CUL7: variants seen among roughly 807,000 people sequenced by gnomAD.
CUL7 encodes cullin-7.
In CUL7, 96 loss-of-function variants were observed where a neutral mutation model predicts 177.7. That is an observed-to-expected ratio of 0.54 (90% CI 0.46 to 0.64). The LOEUF (loss-of-function observed/expected upper bound fraction) is 0.64, where lower values mean the gene tolerates loss of function less well. CUL7 is among the 30% of genes least tolerant of loss of function. CUL7 has a pLI of 0.00. For missense variants in CUL7, 1,893 were observed against 2,187.9 expected (o/e 0.87, Z 2.69); for synonymous variants, 824 against 890.2 (o/e 0.93, Z 1.32).
rs1763566066 is a variant in CUL7, at chr6:43,042,841, C to T, written c.3606G>A (p.Ala1202=). 2.4e-5 allele frequency: 38 copies of T among 1,613,536 alleles called. No individual in the cohort carries two copies. Among genetic ancestry groups the T allele is most frequent in the East Asian group, 1.3e-4 (6 of 44,874 alleles). Residue 1202 remains alanine, a synonymous_variant, in exon 19 of 26, where the codon GCG becomes GCA. Transcript: ENST00000265348. ...AFLLALQNGC[A]GALLKLPFLK... ...GAAAAGGGAGCTTCAGCAAGGCTCC[C>T]GCACAGCCATTTTGCAGCGCCAGCA...
rs1296255474 is a variant in CUL7, at chr6:43,047,104, G to A, written c.2173C>T (p.Leu725Phe). The A allele has an allele frequency of 6.3e-7, 1 of 1,591,012 alleles. No homozygotes were observed. The highest frequency in any genetic ancestry group is 1.1e-5 in the South Asian group (1 of 90,636). The change falls in exon 10 of 26, where the codon CTC becomes TTC. Residue 725 changes from leucine (L) to phenylalanine (F), a missense_variant. Around this residue, in one of 5 missense-constraint regions of CUL7, gnomAD observed 973 missense variants for 1,140.9 expected, o/e 0.85. Coordinates refer to ENST00000265348, the MANE Select transcript of CUL7 (RefSeq NM_014780.5). Reference sequence around the variant, plus strand: ...TGCAGGAAGAAAATCAGTTCCTGGAGCACCTGGGTGGGGACATAAGGGAGG... The same window carrying A: ...TGCAGGAAGAAAATCAGTTCCTGGAACACCTGGGTGGGGACATAAGGGAGG... ...LRSPNTDREV[L>F]QELIFFLHRL... is the part of the protein sequence containing the mutation.
At chr6:43,042,676 A>T (rs1184593315) in intron 19 of CUL7, 126 bp downstream of exon 19, 2 of 694,700 alleles carry the variant, frequency 2.9e-6, no homozygotes, top group African/African-American at 3.6e-5. Flanking sequence ...AACTTCTTAT[A>T]ACATGGCTAT....
chr6:43,046,066 C>T lies in CUL7; in HGVS notation c.2686G>A (p.Glu896Lys). Residue 896 changes from glutamate to lysine, a missense_variant, in exon 13 of 26, where the codon GAG (glutamate) becomes AAG (lysine). Physicochemically the swap from Glu to Lys is moderately conservative, Grantham distance 56. Coordinates refer to ENST00000265348, the MANE Select transcript of CUL7 (RefSeq NM_014780.5). ...IRQLTLLVAS[E>K]DSSYMPARVV... ...CGGGCCGGCATGTAACTCGAGTCCT[C>T]ACTAGCCACAAGCAGAGTCAGTTGC... The T allele has an allele frequency of 6.2e-7, 1 of 1,614,104 alleles. No individual in the cohort carries two copies. The highest frequency in any genetic ancestry group is 8.5e-7 in the Non-Finnish European group (1 of 1,180,010).
At position 43,043,769 on chromosome 6, in the gene CUL7, C is replaced by G. The variant is rs552321415; in HGVS notation, c.3173-139G>C. The G allele has an allele frequency of 2.8e-6, 2 of 705,608 alleles. No homozygotes were observed. Among genetic ancestry groups the G allele is most frequent in the Non-Finnish European group, 5.2e-6 (2 of 384,534 alleles). The allele number at this position is 705,608 out of a possible 1,614,324, so 43.7% of individuals were successfully genotyped here. ...GGGGGCCAGGTAGGGTGGTTTACGC[C>G]TGTAATCCCAGCACTTTGGGAGGCT... On this transcript the variant is annotated intron_variant, in intron 16 of 25. Coordinates refer to ENST00000265348, the MANE Select transcript of CUL7 (RefSeq NM_014780.5). The surrounding 1 kb of genome is among the most constrained non-coding windows in gnomAD (Gnocchi z 4.2).
Position 43,043,788 on chromosome 6 carries a change from G to A in CUL7, c.3173-158C>T, listed in dbSNP as rs1763653635. Among the ~76,000 whole-genome samples the A allele has an allele frequency of 6.6e-6, 1 of 152,166 alleles. No individual in the cohort carries two copies. The highest frequency in any genetic ancestry group is 1.5e-5 in the Non-Finnish European group (1 of 68,022). On this transcript the variant is annotated intron_variant, in intron 16 of 25. Coordinates refer to ENST00000265348, the MANE Select transcript of CUL7 (RefSeq NM_014780.5). The surrounding 1 kb of genome is among the most constrained non-coding windows in gnomAD (Gnocchi z 4.2). ...TTACGCCTGTAATCCCAGCACTTTG[G>A]GAGGCTGAGATGAGAGGATCGCTTG...
chr6:43,045,801 A>G lies in CUL7; in HGVS notation c.2767-119T>C. ...GCCCTGGGATGTGTAGGGTCCTGAC[A>G]AAGCTGTCCTCATGCCACCCTCATT... On this transcript the variant is annotated intron_variant, in intron 13 of 25. Coordinates refer to ENST00000265348, the MANE Select transcript of CUL7 (RefSeq NM_014780.5). The surrounding 1 kb of genome is among the most constrained non-coding windows in gnomAD (Gnocchi z 4.8). 8.1e-7 allele frequency: 1 copy of G among 1,238,620 alleles called. No individual in the cohort carries two copies. Among genetic ancestry groups the G allele is most frequent in the Non-Finnish European group, 1.2e-6 (1 of 855,160 alleles). 76.7% of individuals were successfully genotyped at this position (1,238,620 alleles called of 1,614,324 possible).
In CUL7 at chr6:43,040,635, C is replaced by G. The variant is rs1015605082; in HGVS notation, c.3918G>C (p.Gln1306His). ...GCAGCTCCTTAGAGGTGCTCAGGCT[C>G]TGCAACATCTGCTGGGGGAGGCGGT... ...FPNRLPQQMLQSLSTSKELQR... is the reference protein window; with the variant it reads ...FPNRLPQQMLHSLSTSKELQR... The change falls in exon 21 of 26, where the codon CAG becomes CAC. Residue 1306 changes from glutamine to histidine, a missense_variant. Transcript: ENST00000265348. This position sits in a 1 kb window ranked among gnomAD's most constrained non-coding sequence, Gnocchi z 4.2. 1 of 1,614,264 alleles carries G rather than the reference C, an allele frequency of 6.2e-7. No individual in the cohort carries two copies. Among genetic ancestry groups the G allele is most frequent in the Non-Finnish European group, 8.5e-7 (1 of 1,180,048 alleles).
chr6:43,047,713 A>G (rs1228415184), intron 9 of CUL7, among the ~76,000 whole-genome samples: 1 of 152,192 alleles, frequency 6.6e-6, no homozygotes, highest in Non-Finnish European at 1.5e-5. Context: ...TTTCTCCCAC[A>G]GGCCCAGCCA....
At position 43,048,352 on chromosome 6, in the gene CUL7, G is replaced by A. The variant is rs754130708; in HGVS notation, c.2043C>T (p.Thr681=). The A allele has an allele frequency of 6.2e-7, 1 of 1,611,508 alleles. No individual in the cohort carries two copies. Among genetic ancestry groups the A allele is most frequent in the South Asian group, 1.1e-5 (1 of 91,042 alleles). ...QSLDTPETNR[T]LHLTVLRILK... ...CTCACCTCAGCACAGTCAGGTGCAG[G>A]GTCCTGTTAGTCTCCGGAGTGTCCA... is the stretch of plus-strand genomic sequence containing the variant. Residue 681 remains threonine, a synonymous_variant, in exon 8 of 26, where the codon ACC becomes ACT. Transcript: ENST00000265348.
In CUL7 at chr6:43,048,492, G is replaced by A. The variant is rs1561889722; in HGVS notation, c.1903C>T (p.Leu635Phe). The A allele has an allele frequency of 1.9e-6, 3 of 1,614,146 alleles. No homozygotes were observed. The African/African-American group carries it at 4.0e-5, about 22-fold the overall frequency. Residue 635 changes from leucine to phenylalanine, a missense_variant, in exon 8 of 26, where the codon CTC becomes TTC. Physicochemically the swap from Leu to Phe is conservative, Grantham distance 22. This residue lies in a region of CUL7 where 973 missense variants were observed against 1,140.9 expected (regional missense o/e 0.85). Transcript: ENST00000265348. ...CTGAGGGCTTGCTCTAGATCCAGGA[G>A]GATTTTCCCAGCTGGACCATAACCC... ...VEGYGPAGKILLDLEQALSSE... is the reference protein window; with the variant it reads ...VEGYGPAGKIFLDLEQALSSE...
chr6:43,046,236 C>T lies in CUL7; in HGVS notation c.2660G>A (p.Arg887Lys). 6.2e-7 allele frequency: 1 copy of T among 1,614,216 alleles called. No homozygotes were observed. Among genetic ancestry groups the T allele is most frequent in the Non-Finnish European group, 8.5e-7 (1 of 1,180,030 alleles). ...CAAAGCACATGTGTGGGAGAGTTAC[C>T]TGATGAGGATGCCCCGGCGCATGTG... ...TLHMRRGILI[R>K]QLTLLVASED... is the part of the protein sequence containing the mutation. The change falls in exon 12 of 26, where the codon AGG becomes AAG. Residue 887 changes from arginine to lysine, a missense_variant and splice_region_variant. Around this residue, in one of 5 missense-constraint regions of CUL7, gnomAD observed 973 missense variants for 1,140.9 expected, o/e 0.85. Transcript: ENST00000265348.
At position 43,048,165 on chromosome 6, in the gene CUL7, G is replaced by A. The variant is rs1295725737; in HGVS notation, c.2152C>T (p.Pro718Ser). 2 of 1,612,562 alleles carry A rather than the reference G, an allele frequency of 1.2e-6. No homozygotes were observed. The highest frequency in any genetic ancestry group is 1.3e-5 in the African/African-American group (1 of 74,892). ...VDACMACLRS[P>S]NTDREVLQEL... ...AGGGGTACCTCTCGATCAGTGTTTG[G>A]GGACCGCAGGCAGGCCATGCAGGCA... The change falls in exon 9 of 26, where the codon CCA becomes TCA. Residue 718 changes from proline (P) to serine (S), a missense_variant. Around this residue, in one of 5 missense-constraint regions of CUL7, gnomAD observed 973 missense variants for 1,140.9 expected, o/e 0.85. Coordinates refer to ENST00000265348, the MANE Select transcript of CUL7 (RefSeq NM_014780.5).
rs138741127 is a variant in CUL7, at chr6:43,045,785, T to C, written c.2767-103A>G. Reference sequence around the variant, plus strand: ...TTCCCTCCCTTCCCCAGCCCTGGGATGTGTAGGGTCCTGACAAAGCTGTCC... The same window carrying C: ...TTCCCTCCCTTCCCCAGCCCTGGGACGTGTAGGGTCCTGACAAAGCTGTCC... On this transcript the variant is annotated intron_variant, in intron 13 of 25. Coordinates refer to ENST00000265348, the MANE Select transcript of CUL7 (RefSeq NM_014780.5). The surrounding 1 kb of genome is among the most constrained non-coding windows in gnomAD (Gnocchi z 4.8). 326 of 1,352,252 alleles carry C rather than the reference T, an allele frequency of 2.4e-4. 1 individual carries two copies. In the East Asian group the frequency reaches 7.5e-3, roughly 31 times the overall value. The allele number at this position is 1,352,252 out of a possible 1,614,324, so 83.8% of individuals were successfully genotyped here.
In CUL7 at chr6:43,046,946, G is replaced by C; in HGVS notation, c.2331C>G (p.Phe777Leu). Residue 777 changes from phenylalanine to leucine, a missense_variant, in exon 10 of 26, where the codon TTC becomes TTG. This residue lies in a region of CUL7 where 973 missense variants were observed against 1,140.9 expected (regional missense o/e 0.85). Transcript: ENST00000265348. ...AGAGGTGGGCATGCTTCTCACACTT[G>C]AACACCATGTCCCGCAGCTCCTGAG... ...ELAQELRDMVFKCEKHAHLYR... is the reference protein window; with the variant it reads ...ELAQELRDMVLKCEKHAHLYR... 6.2e-7 allele frequency: 1 copy of C among 1,613,614 alleles called. No homozygotes were observed. The highest frequency in any genetic ancestry group is 8.5e-7 in the Non-Finnish European group (1 of 1,179,572).
intron 9 of CUL7, 166 bp downstream of exon 9, chr6:43,047,982 T>C (rs1764058285): frequency 1.5e-5 from 9 of 608,804 alleles, no homozygotes; most frequent in Admixed American, 1.4e-4. Flanking sequence ...ACCATGTGAA[T>C]GTATTACCTA....
chr6:43,043,699 C>A lies in CUL7; in HGVS notation c.3173-69G>T. On this transcript the variant is annotated intron_variant, in intron 16 of 25. Transcript: ENST00000265348. The surrounding 1 kb of genome is among the most constrained non-coding windows in gnomAD (Gnocchi z 4.2). ...GGGAAGTGGGAGTGGTTGGGCTGAA[C>A]AGGAGTGTGGAGATAGAGCAACTGG... is the stretch of plus-strand genomic sequence containing the variant. 1 of 1,064,338 alleles carries A rather than the reference C, an allele frequency of 9.4e-7. No homozygotes were observed. The highest frequency in any genetic ancestry group is 1.3e-5 in the South Asian group (1 of 74,608). 65.9% of individuals were successfully genotyped at this position (1,064,338 alleles called of 1,614,324 possible).
At position 43,038,414 on chromosome 6, in the gene CUL7, C is replaced by A; in HGVS notation, c.4626G>T (p.Arg1542=). Residue 1542 remains arginine (R), a synonymous_variant, in exon 25 of 26, where the codon CGG becomes CGT. Transcript: ENST00000265348. Reference sequence around the variant, plus strand: ...GCAGGTACGTCTGAGGTGGGATGAGCCGCACAATGTCCCATCTCGACCTGG... The same window carrying A: ...GCAGGTACGTCTGAGGTGGGATGAGACGCACAATGTCCCATCTCGACCTGG... The part of the protein sequence containing the change: ...KEPRSRWDIV[R]LIPPQTYLQA... 1 of 1,614,178 alleles carries A rather than the reference C, an allele frequency of 6.2e-7. No individual in the cohort carries two copies. Among genetic ancestry groups the A allele is most frequent in the Non-Finnish European group, 8.5e-7 (1 of 1,180,012 alleles).
In CUL7 at chr6:43,043,808, C is replaced by T. The variant is rs1297347385; in HGVS notation, c.3173-178G>A. ...CTTTGGGAGGCTGAGATGAGAGGATCGCTTGAGGCAGGAGTTCAAGACTGG... is the reference window on the plus strand; with the variant it reads ...CTTTGGGAGGCTGAGATGAGAGGATTGCTTGAGGCAGGAGTTCAAGACTGG... On this transcript the variant is annotated intron_variant, in intron 16 of 25. Transcript: ENST00000265348. This position sits in a 1 kb window ranked among gnomAD's most constrained non-coding sequence, Gnocchi z 4.2. 2.6e-5 allele frequency among the ~76,000 whole-genome samples: 4 copies of T among 151,970 alleles called. No individual in the cohort carries two copies. Among genetic ancestry groups the T allele is most frequent in the Non-Finnish European group, 2.9e-5 (2 of 67,994 alleles).
Position 43,040,079 on chromosome 6 carries a change from G to A in CUL7, c.4294+77C>T. On this transcript the variant is annotated intron_variant, in intron 22 of 25. Transcript: ENST00000265348. This position sits in a 1 kb window ranked among gnomAD's most constrained non-coding sequence, Gnocchi z 4.2. Reference sequence around the variant, plus strand: ...TTACATCAAGCCTCCCAACATCAGGGTCTGCCCCCAACCCCAGGTCCTTTC... The same window carrying A: ...TTACATCAAGCCTCCCAACATCAGGATCTGCCCCCAACCCCAGGTCCTTTC... 6.5e-7 allele frequency: 1 copy of A among 1,545,098 alleles called. No homozygotes were observed. Among genetic ancestry groups the A allele is most frequent in the Middle Eastern group, 1.8e-4 (1 of 5,714 alleles).
Sources: gnomAD v4.1 joint callset for allele counts (sites outside exome capture counted in the v4.1 genomes callset) on GRCh38, gnomAD v4.1.1 for gene constraint, gnomAD v4.1.1 regional missense constraint, Gnocchi (gnomAD v3.1) non-coding constraint, MANE v1.5 for transcripts, NCBI Gene and HGNC (gene_info 2026-07-23, HGNC 2026-07-21) for gene names.